ZNF821: variants seen among roughly 807,000 people sequenced by gnomAD.
The protein encoded by ZNF821 is zinc finger protein 821.
In ZNF821, 16 loss-of-function variants were observed where a neutral mutation model predicts 44.3. The observed-to-expected ratio is 0.36, with a 90% confidence interval of 0.24 to 0.55. The LOEUF (loss-of-function observed/expected upper bound fraction) is 0.55. Among genes scored for constraint, ZNF821 ranks in the 20% least tolerant of loss-of-function variants. ZNF821 has a pLI of 0.86. For missense variants in ZNF821, 436 were observed against 547.6 expected (o/e 0.80, Z 2.03); for synonymous variants, 204 against 197.6 (o/e 1.03, Z -0.27).
upstream of ZNF821, among the ~76,000 whole-genome samples, chr16:71,887,928 C>T (rs1269039226): frequency 2.0e-5 from 3 of 148,728 alleles, no homozygotes; most frequent in Non-Finnish European, 4.4e-5. Context: ...GTGGTATGAT[C>T]ACAGCTCACT....
intron 3 of ZNF821, among the ~76,000 whole-genome samples, chr16:71,877,012 T>C (rs2035895380): frequency 6.6e-6 from 1 of 152,234 alleles, no homozygotes; most frequent in Non-Finnish European, 1.5e-5. Context: ...CATCTGTGTA[T>C]TAAGTAGCCT....
intron 3 of ZNF821, among the ~76,000 whole-genome samples, chr16:71,870,441 C>T (rs2035055632): frequency 6.7e-6 from 1 of 149,038 alleles, no homozygotes; most frequent in Non-Finnish European, 1.5e-5. Context: ...TTAATTTCTC[C>T]ATGCTGGTTA....
At chr16:71,874,374 A>G (rs1296486124) in intron 3 of ZNF821, among the ~76,000 whole-genome samples, 1 of 152,162 alleles carries the variant, frequency 6.6e-6, no homozygotes, top group Non-Finnish European at 1.5e-5. Context: ...CTCAAGTGTC[A>G]ATTAACTTTT....
chr16:71,894,762 C>T (rs926431893), intron 1 of ZNF821: 20 of 1,131,806 alleles, frequency 1.8e-5, no homozygotes, highest in South Asian at 1.2e-4. Context: ...TCTGCAACTC[C>T]CGGGCTCAAG....
intron 4 of ZNF821, 93 bp downstream of exon 4, chr16:71,867,819 C>T: frequency 3.4e-6 from 5 of 1,458,782 alleles, no homozygotes; most frequent in Admixed American, 4.4e-5. Flanking sequence ...TCATGTCTTT[C>T]TCCCAACCCC....
At chr16:71,878,907 G>A (rs973309747) in intron 3 of ZNF821, among the ~76,000 whole-genome samples, 1 of 149,530 alleles carries the variant, frequency 6.7e-6, no homozygotes, top group Non-Finnish European at 1.5e-5. Context: ...CTGGGTGACA[G>A]AGCGAGACTC....
chr16:71,883,900 C>T lies in ZNF821; in HGVS notation c.-141+8G>A, dbSNP rs1193557440. 6.6e-6 allele frequency: 1 copy of T among 152,396 alleles called. No homozygotes were observed. The highest frequency in any genetic ancestry group is 6.5e-5 in the Admixed American group (1 of 15,286). The allele number at this position is 152,396 out of a possible 1,614,324, so 9.4% of individuals were successfully genotyped here. A position where few individuals can be genotyped will look rare whatever the true frequency, so the allele number is the denominator to read the frequency against. ...CGGACCCGGAGGGAGGGCAGGGGGTCTTTTTACCCGGCGCCTCGGCGCTGC... is the reference window on the plus strand; with the variant it reads ...CGGACCCGGAGGGAGGGCAGGGGGTTTTTTTACCCGGCGCCTCGGCGCTGC... On this transcript the variant is annotated splice_region_variant and intron_variant, in intron 1 of 7. Coordinates refer to ENST00000425432, the MANE Select transcript of ZNF821 (RefSeq NM_001201552.2).
At chr16:71,867,369 A>T (rs2142379055) in intron 4 of ZNF821, among the ~76,000 whole-genome samples, 1 of 152,266 alleles carries the variant, frequency 6.6e-6, no homozygotes, top group East Asian at 1.9e-4. Context: ...GCACTGTGCC[A>T]AGTACTGTAG....
chr16:71,885,846 T>G (rs747357282), upstream of ZNF821, among the ~76,000 whole-genome samples: 1 of 152,226 alleles, frequency 6.6e-6, no homozygotes, highest in Non-Finnish European at 1.5e-5. Context: ...AGTTTCCAAG[T>G]AGACAGAAAA....
chr16:71,863,892 T>G (rs1307379112), intron 6 of ZNF821, among the ~76,000 whole-genome samples: 1 of 152,216 alleles, frequency 6.6e-6, no homozygotes, highest in Non-Finnish European at 1.5e-5. Flanking sequence ...GAGACAGGGT[T>G]TCGCCATGTT....
chr16:71,873,465 G>A (rs2035448327), intron 3 of ZNF821, among the ~76,000 whole-genome samples: 1 of 152,118 alleles, frequency 6.6e-6, no homozygotes, highest in South Asian at 2.1e-4. Flanking sequence ...TAACGAGTCT[G>A]TTAATGAAGT....
chr16:71,869,074 T>A (rs1005369837), intron 3 of ZNF821, among the ~76,000 whole-genome samples: 1 of 152,168 alleles, frequency 6.6e-6, no homozygotes, highest in Non-Finnish European at 1.5e-5. Flanking sequence ...AGAGTTAGTA[T>A]ACTAAGTGCC....
intron 1 of ZNF821, among the ~76,000 whole-genome samples, chr16:71,893,485 G>A (rs2142505155): frequency 6.8e-6 from 1 of 147,914 alleles, no homozygotes; most frequent in East Asian, 2.1e-4. Context: ...TTTGGGACAG[G>A]GTCTCACTCT....
At chr16:71,880,467 C>T (rs1370982609) in intron 2 of ZNF821, 4 of 152,288 alleles carry the variant, frequency 2.6e-5, no homozygotes, top group African/African-American at 4.8e-5. Flanking sequence ...TCTACACCAG[C>T]GGATTTTTCA....
At chr16:71,872,129 C>A (rs1597163270) in intron 3 of ZNF821, among the ~76,000 whole-genome samples, 1 of 151,982 alleles carries the variant, frequency 6.6e-6, no homozygotes, top group East Asian at 1.9e-4. Flanking sequence ...CTGCGCCCGG[C>A]CTGGTTAAGG....
exon 1 of ZNF821, chr16:71,894,965 GATGCTGGTCCAAAGGGC>G (rs1674730408): frequency 1.2e-6 from 1 of 827,860 alleles, no homozygotes; most frequent in Admixed American, 2.2e-5. Context: ...AGACCGGAGC[GATGCTGGTCCAAAGGGC>G]AACCGGACGG....
chr16:71,868,065 G>A, intron 3 of ZNF821, 28 bp from the exon 4 acceptor site: 2 of 1,527,968 alleles, frequency 1.3e-6, no homozygotes, highest in East Asian at 2.5e-5. Flanking sequence ...AAATAGTCAG[G>A]CCACCAGCTG....
At chr16:71,870,443 T>C (rs900789264) in intron 3 of ZNF821, among the ~76,000 whole-genome samples, 2 of 150,856 alleles carry the variant, frequency 1.3e-5, no homozygotes, top group African/African-American at 2.4e-5. Flanking sequence ...AATTTCTCCA[T>C]GCTGGTTACA....
At chr16:71,884,701 G>C (rs575103064), upstream of ZNF821, 11 of 152,322 alleles carry the variant, frequency 7.2e-5, no homozygotes, top group Admixed American at 5.9e-4. Context: ...CAGAACCTCA[G>C]AGCTGGGAAA....
Sources: gnomAD v4.1 joint callset for allele counts (sites outside exome capture counted in the v4.1 genomes callset) on GRCh38, gnomAD v4.1.1 for gene constraint, MANE v1.5 for transcripts, NCBI Gene and HGNC (gene_info 2026-07-23, HGNC 2026-07-21) for gene names.